FOXP1: variants seen among roughly 807,000 people sequenced by gnomAD.
The protein encoded by FOXP1 is forkhead box P1.
In FOXP1, 15 loss-of-function variants were observed where a neutral mutation model predicts 98.2. The ratio of observed to expected loss-of-function variants is 0.15; its 90% CI spans 0.10 to 0.24. FOXP1 has a LOEUF of 0.24. Ranked by LOEUF, FOXP1 falls within the 10% of genes least tolerant of loss-of-function variation. The pLI, the probability that FOXP1 is intolerant of heterozygous loss-of-function variation, is 1.00. For missense variants in FOXP1, 633 were observed against 848.5 expected (o/e 0.75, Z 3.15); for synonymous variants, 371 against 314.5 (o/e 1.18, Z -1.90).
intron 1 of FOXP1, chr3:71,582,569 A>T (rs1277422497): frequency 1.0e-6 from 1 of 985,320 alleles, no homozygotes; most frequent in Admixed American, 6.1e-5. Context: ...GACGCAGGAC[A>T]AATCGGAGCT....
At chr3:71,151,336 G>T (rs946699819) in intron 6 of FOXP1, among the ~76,000 whole-genome samples, 1 of 152,128 alleles carries the variant, frequency 6.6e-6, no homozygotes, top group East Asian at 1.9e-4. Context: ...CACTACGCGC[G>T]TCAGGATTTA....
intron 6 of FOXP1, among the ~76,000 whole-genome samples, chr3:71,190,835 T>C (rs1458810373): frequency 6.6e-6 from 1 of 152,122 alleles, no homozygotes. Flanking sequence ...TCTATTTTTA[T>C]GAATCAAATC....
At chr3:71,204,984 C>T (rs549434024) in intron 5 of FOXP1, among the ~76,000 whole-genome samples, 1 of 152,206 alleles carries the variant, frequency 6.6e-6, no homozygotes, top group South Asian at 2.1e-4. Context: ...ATGAAGGCAC[C>T]GTCTTCCAAT....
intron 3 of FOXP1, among the ~76,000 whole-genome samples, chr3:71,367,684 G>A (rs765557064): frequency 3.3e-5 from 5 of 152,194 alleles, no homozygotes; most frequent in African/African-American, 4.8e-5. Context: ...TTCCTCCACC[G>A]AATATATCAT....
At chr3:71,559,285 G>C (rs894050820) in intron 2 of FOXP1, among the ~76,000 whole-genome samples, 1 of 152,212 alleles carries the variant, frequency 6.6e-6, no homozygotes, top group African/African-American at 2.4e-5. Context: ...ATTTAAGCCT[G>C]TTTGGTAAGA....
intron 4 of FOXP1, among the ~76,000 whole-genome samples, chr3:71,338,062 G>T (rs541981980): frequency 6.5e-4 from 99 of 152,272 alleles, no homozygotes; most frequent in African/African-American, 2.2e-3. Context: ...ATTCGAAAGA[G>T]GTGTACGAAA....
intron 9 of FOXP1, among the ~76,000 whole-genome samples, chr3:71,048,966 A>C (rs1457472991): frequency 6.6e-6 from 1 of 152,184 alleles, no homozygotes; most frequent in East Asian, 1.9e-4. Flanking sequence ...TTGAAAAGCC[A>C]GGATATAAAA....
At chr3:71,281,516 C>G (rs757554773) in intron 5 of FOXP1, among the ~76,000 whole-genome samples, 2 of 152,230 alleles carry the variant, frequency 1.3e-5, no homozygotes, top group Non-Finnish European at 2.9e-5. Context: ...TCCCATCTAG[C>G]CTAGGACATG....
chr3:71,524,250 G>C (rs542075788), intron 2 of FOXP1, among the ~76,000 whole-genome samples: 42 of 152,256 alleles, frequency 2.8e-4, no homozygotes, highest in African/African-American at 1.0e-3. Flanking sequence ...TATAATCCCA[G>C]CTACTAGGGA....
Position 71,283,178 on chromosome 3 carries a change from T to C in FOXP1, c.-12+16642A>G, listed in dbSNP as rs115914019. Among the ~76,000 whole-genome samples the C allele has an allele frequency of 9.1e-3, 1,388 of 152,258 alleles. 23 individuals are homozygous for C. Among genetic ancestry groups the C allele is most frequent in the African/African-American group, 0.032 (1,328 of 41,544 alleles). On this transcript the variant is annotated intron_variant, in intron 5 of 20. Transcript: ENST00000649528. ...ACTTTCCTTTCAATTTCCCTTCCTT[T>C]CTAATTCCTTCATTCAGGAATGAAT...
chr3:71,054,587 C>T (rs77657337), intron 7 of FOXP1, among the ~76,000 whole-genome samples: 1 of 152,290 alleles, frequency 6.6e-6, no homozygotes, highest in Non-Finnish European at 1.5e-5. Flanking sequence ...CAAGCGGATA[C>T]CTAATGACAA....
At chr3:71,336,541 CATT>C (rs1254486989) in intron 4 of FOXP1, among the ~76,000 whole-genome samples, 1 of 152,156 alleles carries the variant, frequency 6.6e-6, no homozygotes, top group Non-Finnish European at 1.5e-5. Context: ...CGAGTCAACT[CATT>C]ATTTTGAAAC....
chr3:71,015,703 C>T (rs1293715322), intron 11 of FOXP1, 50 bp from the exon 12 acceptor site: 2 of 1,308,698 alleles, frequency 1.5e-6, no homozygotes, highest in African/African-American at 2.9e-5. Flanking sequence ...TGCCAAGAAC[C>T]ATTCCACCAG....
chr3:71,079,472 T>C (rs1456035912), intron 7 of FOXP1, among the ~76,000 whole-genome samples: 4 of 152,214 alleles, frequency 2.6e-5, no homozygotes, highest in Non-Finnish European at 5.9e-5. Context: ...CATCTCAGCA[T>C]ATTAACTCTT....
At chr3:71,471,958 GA>G (rs2089398749) in intron 3 of FOXP1, among the ~76,000 whole-genome samples, 1 of 152,188 alleles carries the variant, frequency 6.6e-6, no homozygotes, top group African/African-American at 2.4e-5. Flanking sequence ...CCTACTGGGA[GA>G]GGTTCCCTGT....
intron 6 of FOXP1, among the ~76,000 whole-genome samples, chr3:71,169,096 G>T (rs557499462): frequency 6.6e-6 from 1 of 152,270 alleles, no homozygotes; most frequent in East Asian, 1.9e-4. Context: ...CTGGATCAGG[G>T]TTAAGCATAG....
chr3:71,131,042 G>T, intron 6 of FOXP1: 1 of 435,186 alleles, frequency 2.3e-6, no homozygotes, highest in Non-Finnish European at 3.1e-6. Flanking sequence ...TAGGCAGGAT[G>T]CTTTAAAAGA....
intron 7 of FOXP1, among the ~76,000 whole-genome samples, chr3:71,082,151 C>G (rs1264406380): frequency 6.6e-6 from 1 of 151,978 alleles, no homozygotes; most frequent in Admixed American, 6.6e-5. Flanking sequence ...TGGTGGCGCA[C>G]GCCTGTAATC....
intron 6 of FOXP1, among the ~76,000 whole-genome samples, chr3:71,125,190 T>C (rs1474904534): frequency 1.3e-5 from 2 of 152,178 alleles, no homozygotes; most frequent in African/African-American, 4.8e-5. Context: ...GGTGATACTA[T>C]CAATGAAGAA....
Sources: gnomAD v4.1 joint callset for allele counts (sites outside exome capture counted in the v4.1 genomes callset) on GRCh38, gnomAD v4.1.1 for gene constraint, MANE v1.5 for transcripts, NCBI Gene and HGNC (gene_info 2026-07-23, HGNC 2026-07-21) for gene names.